Variants in PDE10A observed in about 807,000 individuals in gnomAD.
PDE10A encodes phosphodiesterase 10A.
In PDE10A, 39 loss-of-function variants were observed where a neutral mutation model predicts 97.7. The ratio of observed to expected loss-of-function variants is 0.40; its 90% CI spans 0.31 to 0.52. The LOEUF is 0.52. Ranked by LOEUF, PDE10A falls within the 20% of genes least tolerant of loss-of-function variation. The pLI, the probability that PDE10A is intolerant of heterozygous loss-of-function variation, is 0.56. For missense variants in PDE10A, 731 were observed against 1,047.8 expected, an observed-to-expected ratio of 0.70 and a Z score of 4.17; for synonymous variants, 371 against 376.8, an observed-to-expected ratio of 0.98 and a Z score of 0.18.
intron 1 of PDE10A, among the ~76,000 whole-genome samples, chr6:165,977,387 C>T (rs1253136967): frequency 6.6e-6 from 1 of 152,198 alleles, no homozygotes; most frequent in African/African-American, 2.4e-5. Flanking sequence ...GACGGTATAA[C>T]TTGGTGATGG....
chr6:165,497,816 G>C (rs1350798600), intron 2 of PDE10A, among the ~76,000 whole-genome samples: 2 of 152,106 alleles, frequency 1.3e-5, no homozygotes, highest in Non-Finnish European at 2.9e-5. Flanking sequence ...GATGCTTTAA[G>C]AGCTGTTGAA....
intron 1 of PDE10A, among the ~76,000 whole-genome samples, chr6:165,906,229 C>T (rs1782282638): frequency 6.6e-6 from 1 of 150,786 alleles, no homozygotes; most frequent in Admixed American, 6.6e-5. Context: ...GTCACAAAGT[C>T]CTTCGGCCAG....
At position 165,332,042 on chromosome 6, in the gene PDE10A, G is replaced by C. The variant is rs1250938136; in HGVS notation, c.*983C>G. On this transcript the variant is annotated 3_prime_UTR_variant, in exon 22 of 22. Coordinates refer to ENST00000539869, the MANE Select transcript of PDE10A (RefSeq NM_001385079.1). ...TTTGATGTTTAAAAGAGAACTGTATGGTATTTTAATTAAACAATGTTTAAA... is the reference window on the plus strand; with the variant it reads ...TTTGATGTTTAAAAGAGAACTGTATCGTATTTTAATTAAACAATGTTTAAA... The C allele has an allele frequency of 6.6e-6, 1 of 152,010 alleles. No individual in the cohort carries two copies. Among genetic ancestry groups the C allele is most frequent in the African/African-American group, 2.4e-5 (1 of 41,386 alleles). The allele number at this position is 152,010 out of a possible 1,614,324, so 9.4% of individuals were successfully genotyped here.
intron 1 of PDE10A, among the ~76,000 whole-genome samples, chr6:165,765,112 T>C (rs1777794473): frequency 6.6e-6 from 1 of 152,152 alleles, no homozygotes; most frequent in Non-Finnish European, 1.5e-5. Flanking sequence ...GATTGGTGTG[T>C]TTACAAACCT....
At chr6:165,334,483 G>A (rs1781535489) in intron 21 of PDE10A, among the ~76,000 whole-genome samples, 1 of 152,204 alleles carries the variant, frequency 6.6e-6, no homozygotes, top group Non-Finnish European at 1.5e-5. Flanking sequence ...ACAGCACCGG[G>A]CATGCACAGT....
chr6:165,889,744 AAC>A (rs1443792800), intron 1 of PDE10A, among the ~76,000 whole-genome samples: 1 of 151,996 alleles, frequency 6.6e-6, no homozygotes, highest in Non-Finnish European at 1.5e-5. Flanking sequence ...CCTCTAGACT[AAC>A]ACGGCACAGG....
At chr6:165,631,322 A>G (rs1788618595) in intron 1 of PDE10A, among the ~76,000 whole-genome samples, 1 of 152,236 alleles carries the variant, frequency 6.6e-6, no homozygotes, top group African/African-American at 2.4e-5. Flanking sequence ...TATGTATACA[A>G]CAATTGTTAT....
At chr6:165,646,421 G>A (rs1283622798) in intron 1 of PDE10A, among the ~76,000 whole-genome samples, 2 of 152,158 alleles carry the variant, frequency 1.3e-5, no homozygotes, top group African/African-American at 4.8e-5. Context: ...AGTATTTAAT[G>A]AACTATTCAA....
chr6:165,765,603 C>A (rs1216956328), intron 1 of PDE10A, among the ~76,000 whole-genome samples: 1 of 152,214 alleles, frequency 6.6e-6, no homozygotes. Context: ...AAGCCCACGC[C>A]CACCTGGAAC....
intron 1 of PDE10A, among the ~76,000 whole-genome samples, chr6:165,822,451 G>A (rs1420575077): frequency 1.3e-5 from 2 of 151,760 alleles, no homozygotes; most frequent in Non-Finnish European, 2.9e-5. Flanking sequence ...ACCTGGGCTG[G>A]ATGGCACAGC....
chr6:165,934,003 T>C (rs1183663388), intron 1 of PDE10A, among the ~76,000 whole-genome samples: 2 of 151,246 alleles, frequency 1.3e-5, no homozygotes, highest in African/African-American at 4.9e-5. Flanking sequence ...TTTTTTTTTT[T>C]AGTCGGAGTC....
intron 1 of PDE10A, among the ~76,000 whole-genome samples, chr6:165,734,355 A>C (rs1473118309): frequency 6.6e-6 from 1 of 152,192 alleles, no homozygotes; most frequent in Non-Finnish European, 1.5e-5. Flanking sequence ...AAGACGTCAG[A>C]GTAAAAATGA....
chr6:165,632,910 C>G (rs578133566), intron 1 of PDE10A, among the ~76,000 whole-genome samples: 4 of 152,142 alleles, frequency 2.6e-5, no homozygotes, highest in Admixed American at 2.6e-4. Flanking sequence ...AAGATGGGAT[C>G]CCAGTTCTAG....
chr6:165,707,319 C>G (rs766421895), intron 1 of PDE10A, among the ~76,000 whole-genome samples: 6 of 152,190 alleles, frequency 3.9e-5, no homozygotes, highest in Non-Finnish European at 7.3e-5. Context: ...TGAGCCTGCT[C>G]AGACTCTAGT....
chr6:165,764,161 G>A (rs1340992886), intron 1 of PDE10A, among the ~76,000 whole-genome samples: 1 of 152,174 alleles, frequency 6.6e-6, no homozygotes, highest in African/African-American at 2.4e-5. Context: ...TCTTGGCTCT[G>A]CCTGGGCAGA....
chr6:165,554,854 T>A (rs574319372), intron 1 of PDE10A, among the ~76,000 whole-genome samples: 9 of 152,200 alleles, frequency 5.9e-5, no homozygotes, highest in Non-Finnish European at 1.3e-4. Context: ...AAGGAGATAT[T>A]GTCTTTTGCA....
chr6:165,869,321 C>A (rs2461729), intron 1 of PDE10A, among the ~76,000 whole-genome samples: 109,959 of 151,522 alleles, frequency 0.73, 40,314 homozygotes, highest in East Asian at 0.96. Flanking sequence ...AAAAAAAATC[C>A]AGAAAGCAGT....
At chr6:165,923,289 A>G (rs1394587824) in intron 1 of PDE10A, among the ~76,000 whole-genome samples, 1 of 152,222 alleles carries the variant, frequency 6.6e-6, no homozygotes, top group Non-Finnish European at 1.5e-5. Context: ...TGGGAAATAG[A>G]CTTTCAAAGT....
At chr6:165,697,551 A>G (rs1791469904) in intron 1 of PDE10A, among the ~76,000 whole-genome samples, 1 of 152,262 alleles carries the variant, frequency 6.6e-6, no homozygotes, top group Admixed American at 6.5e-5. Flanking sequence ...ATATGAACAA[A>G]CACAGACCAC....
Sources: gnomAD v4.1 joint callset for allele counts (sites outside exome capture counted in the v4.1 genomes callset) on GRCh38, gnomAD v4.1.1 for gene constraint, MANE v1.5 for transcripts, NCBI Gene and HGNC (gene_info 2026-07-23, HGNC 2026-07-21) for gene names.